HCN1: variants seen among roughly 807,000 people sequenced by gnomAD.
HCN1 encodes the protein potassium/sodium hyperpolarization-activated cyclic nucleotide-gated channel 1.
A neutral mutation model predicts 78.9 loss-of-function variants in HCN1; 13 were observed. The ratio of observed to expected loss-of-function variants is 0.16; its 90% CI spans 0.11 to 0.26. The LOEUF (loss-of-function observed/expected upper bound fraction) is 0.26. HCN1 is among the 10% of genes least tolerant of loss of function. The pLI, the probability that HCN1 is intolerant of heterozygous loss-of-function variation, is 1.00. For missense variants in HCN1, 810 were observed against 1,154.3 expected, an observed-to-expected ratio of 0.70 and a Z score of 4.32; for synonymous variants, 552 against 455.5, an observed-to-expected ratio of 1.21 and a Z score of -2.70.
intron 2 of HCN1, among the ~76,000 whole-genome samples, chr5:45,470,386 A>T (rs1336340048): frequency 2.0e-5 from 3 of 151,970 alleles, no homozygotes; most frequent in Non-Finnish European, 4.4e-5. Flanking sequence ...ATATAAAAAC[A>T]TATTAGTGCA....
chr5:45,425,704 A>C lies in HCN1; in HGVS notation c.1012-28994T>G, dbSNP rs541966350. The stretch of plus-strand genomic sequence containing the variant: ...ATTCTATGCTACACATTTTAAAATG[A>C]ATTAGAGATTTAGAAAAGAATCATT... On this transcript the variant is annotated intron_variant, in intron 3 of 7. Transcript: ENST00000303230. Among the ~76,000 whole-genome samples, 194 of 152,330 alleles carry C rather than the reference A, an allele frequency of 1.3e-3. 1 individual carries two copies. Among genetic ancestry groups the C allele is most frequent in the African/African-American group, 4.5e-3 (189 of 41,584 alleles).
intron 3 of HCN1, among the ~76,000 whole-genome samples, chr5:45,447,648 C>T (rs537393077): frequency 2.0e-5 from 3 of 152,264 alleles, no homozygotes; most frequent in South Asian, 4.1e-4. Context: ...TCAATCTGTA[C>T]TTTAGGATCT....
At chr5:45,547,216 C>A (rs1017463259) in intron 2 of HCN1, among the ~76,000 whole-genome samples, 1 of 151,826 alleles carries the variant, frequency 6.6e-6, no homozygotes. Flanking sequence ...ATACACGACA[C>A]ATTGACTATA....
At chr5:45,376,524 G>T (rs1747681355) in intron 4 of HCN1, among the ~76,000 whole-genome samples, 1 of 150,674 alleles carries the variant, frequency 6.6e-6, no homozygotes, top group Non-Finnish European at 1.5e-5. Context: ...TATAAATGTT[G>T]CATAAGCTAA....
chr5:45,385,583 T>C (rs951075801), intron 4 of HCN1, among the ~76,000 whole-genome samples: 2 of 152,164 alleles, frequency 1.3e-5, no homozygotes, highest in Non-Finnish European at 2.9e-5. Context: ...TTGTGAATTT[T>C]CTGAAAATCT....
At chr5:45,655,966 A>G (rs1283388473) in intron 1 of HCN1, among the ~76,000 whole-genome samples, 1 of 152,182 alleles carries the variant, frequency 6.6e-6, no homozygotes, top group Non-Finnish European at 1.5e-5. Context: ...TTCAAAAAAT[A>G]TGTACACAGC....
chr5:45,418,635 G>A (rs546460113), intron 3 of HCN1, among the ~76,000 whole-genome samples: 1 of 152,042 alleles, frequency 6.6e-6, no homozygotes, highest in South Asian at 2.1e-4. Flanking sequence ...AGAATCTAAT[G>A]CTGATAAATC....
At chr5:45,550,197 C>T (rs571791113) in intron 2 of HCN1, among the ~76,000 whole-genome samples, 86 of 152,202 alleles carry the variant, frequency 5.7e-4, no homozygotes, top group African/African-American at 1.6e-3. Flanking sequence ...CACATGCACA[C>T]GTATGTTTAT....
intron 2 of HCN1, among the ~76,000 whole-genome samples, chr5:45,532,525 T>C (rs1742879827): frequency 6.6e-6 from 1 of 152,216 alleles, no homozygotes; most frequent in African/African-American, 2.4e-5. Flanking sequence ...TGAGAGAAAT[T>C]ATAATTATGG....
chr5:45,361,250 C>T lies in HCN1; in HGVS notation c.1231-8004G>A, dbSNP rs541900050. 3.9e-5 allele frequency among the ~76,000 whole-genome samples: 6 copies of T among 152,146 alleles called. 1 individual carries two copies. In the South Asian group the frequency reaches 1.0e-3, roughly 26 times the overall value. ...ATGGGATTTCACCATGTTGGTCAGACTGGTCACTGCAACCTCGGCCTCCTG... is the reference window on the plus strand; with the variant it reads ...ATGGGATTTCACCATGTTGGTCAGATTGGTCACTGCAACCTCGGCCTCCTG... On this transcript the variant is annotated intron_variant, in intron 4 of 7. Transcript: ENST00000303230.
intron 2 of HCN1, among the ~76,000 whole-genome samples, chr5:45,512,830 T>A (rs1192739765): frequency 6.6e-6 from 1 of 152,116 alleles, no homozygotes; most frequent in East Asian, 1.9e-4. Flanking sequence ...AAGCTTGATT[T>A]ACCAAAATAT....
chr5:45,470,512 A>T (rs1020196548), intron 2 of HCN1, among the ~76,000 whole-genome samples: 3 of 152,028 alleles, frequency 2.0e-5, no homozygotes, highest in African/African-American at 7.2e-5. Context: ...ATGATTTCAG[A>T]TTCACTAGTT....
intron 1 of HCN1, among the ~76,000 whole-genome samples, chr5:45,652,724 T>C (rs1248908752): frequency 2.0e-5 from 3 of 152,006 alleles, no homozygotes; most frequent in Non-Finnish European, 2.9e-5. Context: ...CTCAAAATAA[T>C]TCACCTGATA....
intron 3 of HCN1, among the ~76,000 whole-genome samples, 176 bp from the exon 4 acceptor site, chr5:45,396,886 T>C (rs1739698395): frequency 6.6e-6 from 1 of 152,194 alleles, no homozygotes. Context: ...TTTTCAAATC[T>C]TTCTTACTAT....
intron 6 of HCN1, among the ~76,000 whole-genome samples, chr5:45,280,325 C>T (rs1321382506): frequency 2.0e-5 from 3 of 152,116 alleles, no homozygotes; most frequent in Non-Finnish European, 4.4e-5. Flanking sequence ...GAAAGAATCT[C>T]AGAAGAAAAA....
In HCN1 at chr5:45,267,246, G is replaced by A. The variant is rs150863293; in HGVS notation, c.1626C>T (p.Cys542=). The change falls in exon 7 of 8, where the codon TGC becomes TGT. Residue 542 remains cysteine (C), a synonymous_variant. Transcript: ENST00000303230. ...LTDGSYFGEI[C]LLTKGRRTAS... ...CAGTACGACGTCCTTTGGTCAGCAG[G>A]CAAATCTCTATAAAAACAAACAACA... The A allele has an allele frequency of 3.6e-4, 587 of 1,613,488 alleles. 1 individual carries two copies. The highest frequency in any genetic ancestry group is 4.5e-4 in the Non-Finnish European group (533 of 1,179,734).
At position 45,581,450 on chromosome 5, in the gene HCN1, T is replaced by G. The variant is rs372952275; in HGVS notation, c.849+63735A>C. 3.3e-5 allele frequency among the ~76,000 whole-genome samples: 5 copies of G among 152,284 alleles called. No homozygotes were observed. In the South Asian group the frequency reaches 1.0e-3, roughly 32 times the overall value. On this transcript the variant is annotated intron_variant, in intron 2 of 7. Transcript: ENST00000303230. Reference sequence around the variant, plus strand: ...TTGTCAGATGAGTAGATTGTAAAATTTTTCTCCCATTCTGTAGGTTGCCTG... The same window carrying G: ...TTGTCAGATGAGTAGATTGTAAAATGTTTCTCCCATTCTGTAGGTTGCCTG...
chr5:45,564,365 A>T (rs1352495536), intron 2 of HCN1, among the ~76,000 whole-genome samples: 2 of 150,806 alleles, frequency 1.3e-5, no homozygotes, highest in Non-Finnish European at 3.0e-5. Flanking sequence ...TGTTCACGCC[A>T]TTCTCCTGCC....
chr5:45,574,547 G>A (rs1481014073), intron 2 of HCN1: 2 of 151,964 alleles, frequency 1.3e-5, no homozygotes, highest in African/African-American at 4.8e-5. Context: ...ATTGTAATTA[G>A]TCCAATTAAT....
Sources: gnomAD v4.1 joint callset for allele counts (sites outside exome capture counted in the v4.1 genomes callset) on GRCh38, gnomAD v4.1.1 for gene constraint, MANE v1.5 for transcripts, NCBI Gene and HGNC (gene_info 2026-07-23, HGNC 2026-07-21) for gene names.